The following CCNK variants were observed in gnomAD, a reference collection of about 807,000 sequenced individuals.
The protein encoded by CCNK is cyclin-K.
In CCNK, 9 loss-of-function variants were observed where a neutral mutation model predicts 65.0. That is an observed-to-expected ratio of 0.14 (90% CI 0.08 to 0.24). The LOEUF is 0.24. Among genes scored for constraint, CCNK ranks in the 10% least tolerant of loss-of-function variants. The pLI is 1.00. For synonymous variants in CCNK, 279 were observed against 270.8 expected, an observed-to-expected ratio of 1.03 and a Z score of -0.30; for missense variants, 474 against 720.0, an observed-to-expected ratio of 0.66 and a Z score of 3.91.
intron 1 of CCNK, among the ~76,000 whole-genome samples, chr14:99,489,535 ATAAG>A (rs551136341): frequency 2.3e-4 from 35 of 152,344 alleles, no homozygotes; most frequent in East Asian, 3.9e-4. Context: ...TGACTCTAAA[ATAAG>A]TAAGTAAGTA....
intron 1 of CCNK, among the ~76,000 whole-genome samples, chr14:99,485,484 C>G (rs1896461742): frequency 6.6e-6 from 1 of 152,144 alleles, no homozygotes; most frequent in African/African-American, 2.4e-5. Flanking sequence ...AAAGAGCTTT[C>G]TTTCTAAGGT....
chr14:99,484,922 C>T (rs3918045), intron 1 of CCNK, among the ~76,000 whole-genome samples: 6 of 152,118 alleles, frequency 3.9e-5, no homozygotes, highest in African/African-American at 1.4e-4. Context: ...TGCTAAAATG[C>T]CTTGACAGGT....
rs1409262354 is a variant in CCNK, at chr14:99,511,503, A to T, written c.*721A>T. On this transcript the variant is annotated 3_prime_UTR_variant, in exon 11 of 11. Transcript: ENST00000389879. ...TTCAGTCAGTTATCCAAATAAAAGCAGTTCTGAAACTATCCCTTTCTTTGT... is the reference window on the plus strand; with the variant it reads ...TTCAGTCAGTTATCCAAATAAAAGCTGTTCTGAAACTATCCCTTTCTTTGT... The T allele has an allele frequency of 1.3e-5, 2 of 152,622 alleles. No individual in the cohort carries two copies. The highest frequency in any genetic ancestry group is 2.9e-5 in the Non-Finnish European group (2 of 68,044). The allele number at this position is 152,622 out of a possible 1,614,324, so 9.5% of individuals were successfully genotyped here.
In CCNK at chr14:99,510,818, G is replaced by C; in HGVS notation, c.*36G>C. 1.4e-6 allele frequency: 2 copies of C among 1,397,236 alleles called. No individual in the cohort carries two copies. Among genetic ancestry groups the C allele is most frequent in the Non-Finnish European group, 1.9e-6 (2 of 1,074,206 alleles). The allele number at this position is 1,397,236 out of a possible 1,614,324, so 86.6% of individuals were successfully genotyped here. A position where few individuals can be genotyped will look rare whatever the true frequency, so the allele number is the denominator to read the frequency against. On this transcript the variant is annotated 3_prime_UTR_variant, in exon 11 of 11. Coordinates refer to ENST00000389879, the MANE Select transcript of CCNK (RefSeq NM_001099402.2). ...TTTTCCCTCTTTGTTTTTTTAACAA[G>C]ATTTTCTAATCGACTTGCAGAGTAG...
At chr14:99,502,504 TAATTA>T in intron 7 of CCNK, 128 bp downstream of exon 7, 1 of 1,390,688 alleles carries the variant, frequency 7.2e-7, no homozygotes, top group Non-Finnish European at 9.6e-7. Context: ...GAAGCATCAT[TAATTA>T]AATTATCTAA....
At chr14:99,490,710 G>A (rs571225813) in intron 1 of CCNK, among the ~76,000 whole-genome samples, 2 of 152,136 alleles carry the variant, frequency 1.3e-5, no homozygotes, top group South Asian at 2.1e-4. Context: ...GGCGGATCAC[G>A]AGGTCAGGAG....
chr14:99,504,954 G>GTA (rs1406425947), intron 9 of CCNK: 4 of 152,334 alleles, frequency 2.6e-5, no homozygotes. Flanking sequence ...TAAGTTGGAA[G>GTA]TACGCAAGTG....
rs776917591 is a variant in CCNK at position 99,500,727 on chromosome 14, A to G, written c.412-39A>G. 16 of 1,289,968 alleles carry G rather than the reference A, an allele frequency of 1.2e-5. 1 individual carries two copies. Among genetic ancestry groups the G allele is most frequent in the South Asian group, 1.1e-4 (9 of 78,658 alleles). The allele number at this position is 1,289,968 out of a possible 1,614,324, so 79.9% of individuals were successfully genotyped here. On this transcript the variant is annotated intron_variant, in intron 4 of 10. Coordinates refer to ENST00000389879, the MANE Select transcript of CCNK (RefSeq NM_001099402.2). Reference sequence around the variant, plus strand: ...TTTGTAATGCTGCTTGAGACCTGCAATTGTAATTACTGTCCTAACATTTGT... The same window carrying G: ...TTTGTAATGCTGCTTGAGACCTGCAGTTGTAATTACTGTCCTAACATTTGT...
At chr14:99,500,922 A>C in intron 5 of CCNK, 51 bp downstream of exon 5, 1 of 1,135,478 alleles carries the variant, frequency 8.8e-7, no homozygotes, top group Non-Finnish European at 1.3e-6. Context: ...TCAAGTCTTT[A>C]TAATTTGATG....
Position 99,511,769 on chromosome 14 carries a change from A to AGTT in CCNK, c.*988_*990dup, listed in dbSNP as rs1287226366. On this transcript the variant is annotated 3_prime_UTR_variant, in exon 11 of 11. Transcript: ENST00000389879. Reference sequence around the variant, plus strand: ...GGAGGACCTGGTTGAGTTCCAAACCAGTTTGAAACTTTGAAGCCTTGCTGC... The same window carrying AGTT: ...GGAGGACCTGGTTGAGTTCCAAACCAGTTGTTTGAAACTTTGAAGCCTTGCTGC... 5 of 152,768 alleles carry AGTT rather than the reference A, an allele frequency of 3.3e-5. No individual in the cohort carries two copies. The East Asian group carries it at 9.6e-4, about 29-fold the overall frequency. The allele number at this position is 152,768 out of a possible 1,614,324, so 9.5% of individuals were successfully genotyped here.
rs1352842883 is a variant in CCNK, at chr14:99,503,038, C to T, written c.1011+54C>T. ...GAGCAGGCTTTCCAGGTGGCGGCAACACCTGAGCACTGTTCCCATTTCTAA... is the reference window on the plus strand; with the variant it reads ...GAGCAGGCTTTCCAGGTGGCGGCAATACCTGAGCACTGTTCCCATTTCTAA... On this transcript the variant is annotated intron_variant, in intron 8 of 10. Coordinates refer to ENST00000389879, the MANE Select transcript of CCNK (RefSeq NM_001099402.2). 3.2e-6 allele frequency: 5 copies of T among 1,574,332 alleles called. No homozygotes were observed. The African/African-American group carries it at 6.7e-5, about 21-fold the overall frequency.
At position 99,495,598 on chromosome 14, in the gene CCNK, T is replaced by A; in HGVS notation, c.380T>A (p.Val127Glu). 6.2e-7 allele frequency: 1 copy of A among 1,611,316 alleles called. No individual in the cohort carries two copies. The highest frequency in any genetic ancestry group is 8.5e-7 in the Non-Finnish European group (1 of 1,179,050). ...IKTARSLLND[V>E]QFGQFGDDPK... The stretch of plus-strand genomic sequence containing the variant: ...ACAGCTCGTAGTTTATTAAATGATG[T>A]ACAATTTGGCCAGTTTGGAGATGAC... The change falls in exon 4 of 11, where the codon GTA becomes GAA. Residue 127 changes from valine to glutamate, a missense_variant. Val to Glu is a moderately radical substitution (Grantham distance 121). Around this residue, in one of 6 missense-constraint regions of CCNK, gnomAD observed 87 missense variants for 166.2 expected, o/e 0.52. Coordinates refer to ENST00000389879, the MANE Select transcript of CCNK (RefSeq NM_001099402.2).
intron 8 of CCNK, 104 bp from the exon 9 acceptor site, chr14:99,503,507 C>A (rs1277255129): frequency 2.1e-6 from 2 of 968,226 alleles, no homozygotes; most frequent in South Asian, 1.5e-5. Context: ...CGAGGCTGTT[C>A]ACAGTGACTG....
At chr14:99,504,850 G>A (rs1296482407) in intron 9 of CCNK, 1 of 152,236 alleles carries the variant, frequency 6.6e-6, no homozygotes, top group Non-Finnish European at 1.5e-5. Flanking sequence ...TTGAGTTGAC[G>A]TGCAGGTCTG....
chr14:99,491,626 T>C (rs776965696), intron 1 of CCNK, among the ~76,000 whole-genome samples: 4 of 152,196 alleles, frequency 2.6e-5, no homozygotes, highest in Admixed American at 6.5e-5. Flanking sequence ...CAGATTTCCT[T>C]CAGAGCTACC....
chr14:99,489,560 CAAAT>C (rs901758873), intron 1 of CCNK, among the ~76,000 whole-genome samples: 14 of 152,112 alleles, frequency 9.2e-5, no homozygotes, highest in African/African-American at 1.4e-4. Context: ...AATAAATAAA[CAAAT>C]AAATAATTCT....
intron 10 of CCNK, chr14:99,507,934 C>T (rs1410385105): frequency 2.6e-5 from 4 of 152,216 alleles, no homozygotes; most frequent in African/African-American, 9.7e-5. Flanking sequence ...CATTCTTTAC[C>T]TGTGGCACCA....
At chr14:99,503,829 C>T (rs1896903845) in intron 9 of CCNK, 185 bp downstream of exon 9, 1 of 593,314 alleles carries the variant, frequency 1.7e-6, no homozygotes, top group Non-Finnish European at 3.0e-6. Context: ...TAAAATTGTG[C>T]TCTTACGAAG....
chr14:99,507,776 G>C (rs1470098523), intron 10 of CCNK: 2 of 153,244 alleles, frequency 1.3e-5, no homozygotes, highest in Non-Finnish European at 2.9e-5. Context: ...CCTATTGGCA[G>C]TGTGTCGTCT....
Sources: allele counts gnomAD v4.1 joint callset (sites outside exome capture counted in the v4.1 genomes callset), GRCh38; gene constraint gnomAD v4.1.1; regional missense constraint gnomAD v4.1.1; transcripts MANE v1.5; gene names NCBI Gene and HGNC (gene_info 2026-07-23, HGNC 2026-07-21).